Variants in CORO2B observed in about 807,000 individuals in gnomAD.
The protein encoded by CORO2B is coronin 2B, also known as coronin-2B.
CORO2B carries 26 observed loss-of-function variants against 58.8 expected under a neutral mutation model. The observed-to-expected ratio is 0.44, with a 90% CI of 0.32 to 0.61. The LOEUF (loss-of-function observed/expected upper bound fraction) is 0.61. Among genes scored for constraint, CORO2B ranks in the 20% least tolerant of loss-of-function variants. The pLI, the probability that CORO2B is intolerant of heterozygous loss-of-function variation, is 0.04. For synonymous variants in CORO2B, 242 were observed against 253.8 expected, an observed-to-expected ratio of 0.95 and a Z score of 0.44; for missense variants, 460 against 645.1, an observed-to-expected ratio of 0.71 and a Z score of 3.11.
intron 2 of CORO2B, among the ~76,000 whole-genome samples, chr15:68,649,588 C>G (rs1901569393): frequency 1.3e-5 from 2 of 152,136 alleles, no homozygotes; most frequent in Admixed American, 6.5e-5. Context: ...TCCCAAAGAA[C>G]TTTTGTTTAT....
intron 2 of CORO2B, among the ~76,000 whole-genome samples, chr15:68,678,635 C>G (rs773948547): frequency 6.6e-5 from 10 of 152,170 alleles, no homozygotes; most frequent in Non-Finnish European, 1.5e-4. Context: ...GATTGTGCCA[C>G]TGTACTCCAG....
chr15:68,726,133 A>C lies in CORO2B; in HGVS notation c.*159A>C. The stretch of plus-strand genomic sequence containing the variant: ...CCTCGAGAACTGGAAGCCAACCTCT[A>C]ACCTCCTGACCTCATGCTAATAAAA... On this transcript the variant is annotated 3_prime_UTR_variant, in exon 12 of 12. Transcript: ENST00000261861. 1 of 917,090 alleles carries C rather than the reference A, an allele frequency of 1.1e-6. No individual in the cohort carries two copies. Among genetic ancestry groups the C allele is most frequent in the Non-Finnish European group, 1.6e-6 (1 of 609,760 alleles). The allele number at this position is 917,090 out of a possible 1,614,324, so 56.8% of individuals were successfully genotyped here. A position where few individuals can be genotyped will look rare whatever the true frequency, so the allele number is the denominator to read the frequency against.
chr15:68,660,658 A>G (rs1595996041), intron 2 of CORO2B, among the ~76,000 whole-genome samples: 2 of 152,190 alleles, frequency 1.3e-5, no homozygotes, highest in South Asian at 4.1e-4. Context: ...GGTATGAGCC[A>G]CTGCACCCAG....
chr15:68,642,520 C>CTAGGCTGGGCTCCCTTCATGGA (rs1901285025), intron 1 of CORO2B, among the ~76,000 whole-genome samples: 1 of 152,184 alleles, frequency 6.6e-6, no homozygotes, highest in Non-Finnish European at 1.5e-5. Context: ...TGTCTCCCCA[C>CTAGGCTGGGCTCCCTTCATGGA]TAGGCTGGGC....
Position 68,727,458 on chromosome 15 carries a change from G to T in CORO2B, c.*1484G>T, listed in dbSNP as rs1280865923. 6.6e-6 allele frequency: 1 copy of T among 152,140 alleles called. No individual in the cohort carries two copies. The highest frequency in any genetic ancestry group is 1.5e-5 in the Non-Finnish European group (1 of 68,030). The allele number at this position is 152,140 out of a possible 1,614,324, so 9.4% of individuals were successfully genotyped here. On this transcript the variant is annotated 3_prime_UTR_variant, in exon 12 of 12. Transcript: ENST00000261861. ...GGGTGAGATCTGGAAATCAAGAAAT[G>T]GGTGTCCACTCTTTTCTTTCATTAG...
In CORO2B at chr15:68,692,597, A is replaced by AC. The variant is rs1892406420; in HGVS notation, c.217-2543_217-2542insC. Among the ~76,000 whole-genome samples, 3 of 81,824 alleles carry AC rather than the reference A, an allele frequency of 3.7e-5. No individual in the cohort carries two copies. The East Asian group carries it at 5.2e-3, about 143-fold the overall frequency. 53.7% of individuals were successfully genotyped at this position (81,824 alleles called of 152,430 possible). ...GAGACTCTGTCTCAAAAGCAAATAA[A>AC]TAAAAAAAATTAACATTAAAATTTA... On this transcript the variant is annotated intron_variant, in intron 2 of 11. Transcript: ENST00000261861.
chr15:68,679,535 A>G (rs1332782009), intron 2 of CORO2B, among the ~76,000 whole-genome samples: 2 of 152,214 alleles, frequency 1.3e-5, no homozygotes, highest in African/African-American at 2.4e-5. Context: ...CATTTTGCAG[A>G]TGATAATAAT....
At chr15:68,600,913 C>T (rs940051581) in intron 1 of CORO2B, among the ~76,000 whole-genome samples, 6 of 152,146 alleles carry the variant, frequency 3.9e-5, no homozygotes, top group Non-Finnish European at 8.8e-5. Context: ...ACCACCTTCC[C>T]GGCTGTCCTG....
the CORO2B span, among the ~76,000 whole-genome samples, chr15:68,523,470 T>C: frequency 6.6e-6 from 1 of 152,272 alleles, no homozygotes; most frequent in East Asian, 1.9e-4. Context: ...GTGCTGGGAC[T>C]ATAGGCATGA....
chr15:68,581,520 C>T (rs556681193), intron 1 of CORO2B, among the ~76,000 whole-genome samples: 2 of 152,276 alleles, frequency 1.3e-5, no homozygotes, highest in South Asian at 4.2e-4. Flanking sequence ...AATTAGCCAC[C>T]AACAGGCTGT....
chr15:68,677,526 A>G lies in CORO2B; in HGVS notation c.217-17614A>G, dbSNP rs138691674. Among the ~76,000 whole-genome samples, 124 of 152,274 alleles carry G rather than the reference A, an allele frequency of 8.1e-4. 1 individual carries two copies. Among genetic ancestry groups the G allele is most frequent in the African/African-American group, 2.9e-3 (121 of 41,570 alleles). ...AGGCAGCTTTTCTGGGAAAGGCCAGATGGTGGCGGGGGGATGCTGAGGCTG... is the reference window on the plus strand; with the variant it reads ...AGGCAGCTTTTCTGGGAAAGGCCAGGTGGTGGCGGGGGGATGCTGAGGCTG... On this transcript the variant is annotated intron_variant, in intron 2 of 11. Coordinates refer to ENST00000261861, the MANE Select transcript of CORO2B (RefSeq NM_006091.5).
At chr15:68,613,778 C>T (rs1410891228) in intron 1 of CORO2B, among the ~76,000 whole-genome samples, 1 of 152,196 alleles carries the variant, frequency 6.6e-6, no homozygotes, top group African/African-American at 2.4e-5. Flanking sequence ...TGGCAAAGCT[C>T]CTACTGTGTA....
chr15:68,589,528 A>G (rs939924884), intron 1 of CORO2B, among the ~76,000 whole-genome samples: 4 of 152,232 alleles, frequency 2.6e-5, no homozygotes, highest in Admixed American at 2.0e-4. Context: ...AGAAACGCCC[A>G]TTTTGCAGAG....
Position 68,719,218 on chromosome 15 carries a change from G to A in CORO2B, c.1155G>A (p.Leu385=). ...CAGCACTGACCCCGGATGAATGGCT[G>A]GGAGGCATCAACCGAGGTACCACAG... ...TEPALTPDEW[L]GGINRDPVLM... Residue 385 remains leucine (L), a synonymous_variant, in exon 10 of 12, where the codon CTG becomes CTA. Coordinates refer to ENST00000261861, the MANE Select transcript of CORO2B (RefSeq NM_006091.5). 2 of 1,613,970 alleles carry A rather than the reference G, an allele frequency of 1.2e-6. No homozygotes were observed. The highest frequency in any genetic ancestry group is 8.5e-7 in the Non-Finnish European group (1 of 1,179,956).
chr15:68,610,064 ATG>A (rs1900212487), intron 1 of CORO2B, among the ~76,000 whole-genome samples: 1 of 152,290 alleles, frequency 6.6e-6, no homozygotes, highest in East Asian at 1.9e-4. Context: ...TGACAATTCC[ATG>A]TGTTATTCAG....
chr15:68,544,877 C>A, the CORO2B span, among the ~76,000 whole-genome samples: 1 of 152,078 alleles, frequency 6.6e-6, no homozygotes, highest in South Asian at 2.1e-4. Flanking sequence ...CCGGGGTTCA[C>A]GCCATTCTCC....
At chr15:68,555,625 T>C in the CORO2B span, among the ~76,000 whole-genome samples, 1 of 152,116 alleles carries the variant, frequency 6.6e-6, no homozygotes, top group African/African-American at 2.4e-5. Flanking sequence ...TTACTTGAAG[T>C]GGTGGTAGGA....
intron 1 of CORO2B, among the ~76,000 whole-genome samples, chr15:68,644,500 C>T (rs1901358925): frequency 6.6e-6 from 1 of 152,298 alleles, no homozygotes; most frequent in East Asian, 1.9e-4. Context: ...CTTGGATTTC[C>T]AGTCAGGAGA....
the CORO2B span, among the ~76,000 whole-genome samples, chr15:68,525,002 A>G: frequency 1.3e-5 from 2 of 152,330 alleles, no homozygotes; most frequent in South Asian, 4.1e-4. Context: ...TATGAGAAAT[A>G]CAACATAAAT....
Sources: allele counts gnomAD v4.1 joint callset (sites outside exome capture counted in the v4.1 genomes callset), GRCh38; gene constraint gnomAD v4.1.1; transcripts MANE v1.5; gene names NCBI Gene and HGNC (gene_info 2026-07-23, HGNC 2026-07-21).